The following SF3B2 variants were observed in gnomAD, a reference collection of about 807,000 sequenced individuals.
SF3B2 encodes the protein splicing factor 3b subunit 2, also known as SAP 145.
Under a neutral mutation model 116.3 loss-of-function variants are expected in SF3B2, and 22 were observed. The ratio of observed to expected loss-of-function variants is 0.19; its 90% CI spans 0.14 to 0.27. SF3B2 has a LOEUF of 0.27. Ranked by LOEUF, SF3B2 falls within the 10% of genes least tolerant of loss-of-function variation. SF3B2 has a pLI of 1.00. For synonymous variants in SF3B2, 406 were observed against 421.6 expected, an observed-to-expected ratio of 0.96 and a Z score of 0.45; for missense variants, 767 against 1,151.4, an observed-to-expected ratio of 0.67 and a Z score of 4.83.
chr11:66,058,133 A>C lies in SF3B2; in HGVS notation c.857A>C (p.Glu286Ala), dbSNP rs377557880. ...CAGCTGAAGGAGAGCCGCCAGGAAG[A>C]GATGAATTCTCAGCAGGGTGAGTGC... ...ILQLKESRQE[E>A]MNSQQEEEEM... Residue 286 changes from glutamate to alanine, a missense_variant, in exon 8 of 22, where the codon GAG becomes GCG. Physicochemically the swap from Glu to Ala is moderately radical, Grantham distance 107 (BLOSUM62 -1). This residue lies in a region of SF3B2 where 455 missense variants were observed against 537.5 expected (regional missense o/e 0.85). Transcript: ENST00000322535. 2 of 1,609,200 alleles carry C rather than the reference A, an allele frequency of 1.2e-6. No homozygotes were observed. Among genetic ancestry groups the C allele is most frequent in the African/African-American group, 2.7e-5 (2 of 74,630 alleles).
Position 66,063,073 on chromosome 11 carries a change from C to T in SF3B2, c.2042C>T (p.Pro681Leu), listed in dbSNP as rs1046927602. The change falls in exon 17 of 22, where the codon CCG becomes CTG. Residue 681 changes from proline (P) to leucine (L), a missense_variant. By Grantham distance (98) the Pro-to-Leu change is moderately conservative (BLOSUM62 -3). This residue lies in a region of SF3B2 where 282 missense variants were observed against 568.0 expected (regional missense o/e 0.50). Coordinates refer to ENST00000322535, the MANE Select transcript of SF3B2 (RefSeq NM_006842.3). ...CCTCCAGTGGATGAGACTGGGAAAC[C>T]GCTCTATGGGGACGTGTTTGGAACC... ...GKPPVDETGK[P>L]LYGDVFGTNA... 1.2e-6 allele frequency: 2 copies of T among 1,613,984 alleles called. No individual in the cohort carries two copies. The highest frequency in any genetic ancestry group is 8.5e-7 in the Non-Finnish European group (1 of 1,179,940).
Position 66,059,230 on chromosome 11 carries a change from G to C in SF3B2, c.1212G>C (p.Glu404Asp). 6.2e-7 allele frequency: 1 copy of C among 1,614,068 alleles called. No homozygotes were observed. Among genetic ancestry groups the C allele is most frequent in the Non-Finnish European group, 8.5e-7 (1 of 1,180,002 alleles). Reference sequence around the variant, plus strand: ...CTGATGATGTGAAGAAGGAGAAAGAGAAGGAGCCAGAGAAACTTGACAAAC... The same window carrying C: ...CTGATGATGTGAAGAAGGAGAAAGACAAGGAGCCAGAGAAACTTGACAAAC... Reference protein sequence around the residue: ...KLTDDVKKEKEKEPEKLDKLE... With the variant: ...KLTDDVKKEKDKEPEKLDKLE... Residue 404 changes from glutamate (E) to aspartate (D), a missense_variant, in exon 11 of 22, where the codon GAG becomes GAC. Around this residue, in one of 4 missense-constraint regions of SF3B2, gnomAD observed 455 missense variants for 537.5 expected, o/e 0.85. Transcript: ENST00000322535. This position sits in a 1 kb window ranked among gnomAD's most constrained non-coding sequence, Gnocchi z 5.0.
At chr11:66,057,789 A>C (rs1202356580) in intron 7 of SF3B2, among the ~76,000 whole-genome samples, 2 of 151,892 alleles carry the variant, frequency 1.3e-5, no homozygotes, top group Admixed American at 1.3e-4. Context: ...CAGCCTCAAC[A>C]TGGAGAAACC....
chr11:66,055,368 G>A (rs1856975698), intron 4 of SF3B2, 53 bp downstream of exon 4: 1 of 1,593,484 alleles, frequency 6.3e-7, no homozygotes, highest in South Asian at 1.1e-5. Context: ...TGAAGGGGCA[G>A]TGGAGCCTTA....
At chr11:66,058,750 A>C in intron 9 of SF3B2, 80 bp from the exon 10 acceptor site, 1 of 1,191,134 alleles carries the variant, frequency 8.4e-7, no homozygotes, top group Non-Finnish European at 1.2e-6. Context: ...GTGGGGGAGA[A>C]TGGGGGAGGA....
rs374231035 is a variant in SF3B2, at chr11:66,059,769, A to T, written c.1402-13A>T. ...GGGGCTCTCGAGAACACGCATTACT[A>T]TGTGTTTTCCAGCTGGTGGCTCGGC... On this transcript the variant is annotated splice_polypyrimidine_tract_variant and intron_variant, in intron 12 of 21. Transcript: ENST00000322535. The surrounding 1 kb of genome is among the most constrained non-coding windows in gnomAD (Gnocchi z 5.0). 1.2e-6 allele frequency: 2 copies of T among 1,613,510 alleles called. No homozygotes were observed. Among genetic ancestry groups the T allele is most frequent in the Admixed American group, 1.7e-5 (1 of 60,000 alleles).
At position 66,052,364 on chromosome 11, in the gene SF3B2, G is replaced by A. The variant is rs1452077721; in HGVS notation, c.-21G>A. On this transcript the variant is annotated 5_prime_UTR_variant, in exon 1 of 22. Transcript: ENST00000322535. ...GCTGGCCCCAGCTTCCGGGTTGGTC[G>A]CGCGCCTTCCTGCGGCTAAGATGGC... 2 of 1,604,316 alleles carry A rather than the reference G, an allele frequency of 1.2e-6. No homozygotes were observed. The highest frequency in any genetic ancestry group is 2.3e-5 in the East Asian group (1 of 44,374).
At chr11:66,067,116 G>T (rs879002287) in intron 19 of SF3B2, 10 of 215,458 alleles carry the variant, frequency 4.6e-5, no homozygotes, top group African/African-American at 4.6e-5. Flanking sequence ...ATTTTTTTTG[G>T]TTGTTTCAGG....
intron 5 of SF3B2, 95 bp downstream of exon 5, chr11:66,055,680 GCTA>G: frequency 8.6e-7 from 1 of 1,157,178 alleles, no homozygotes; most frequent in African/African-American, 1.5e-5. Flanking sequence ...TTCCCTGGAG[GCTA>G]CTTTGTTCTC....
chr11:66,053,849 G>A (rs1361572974), intron 3 of SF3B2: 9 of 150,404 alleles, frequency 6.0e-5, no homozygotes, highest in East Asian at 1.9e-4. Context: ...ACATGTACCC[G>A]AAAACTTACA....
intron 9 of SF3B2, 87 bp from the exon 10 acceptor site, chr11:66,058,743 G>T: frequency 8.8e-7 from 1 of 1,134,418 alleles, no homozygotes; most frequent in Non-Finnish European, 1.3e-6. Context: ...TTGAACTGTG[G>T]GGGAGAATGG....
At position 66,059,361 on chromosome 11, in the gene SF3B2, G is replaced by C. The variant is rs1857062062; in HGVS notation, c.1320+23G>C. On this transcript the variant is annotated intron_variant, in intron 11 of 21. Coordinates refer to ENST00000322535, the MANE Select transcript of SF3B2 (RefSeq NM_006842.3). This position sits in a 1 kb window ranked among gnomAD's most constrained non-coding sequence, Gnocchi z 5.0. ...CAGGTCAGGCCCAGCCCTCCTGGTG[G>C]GAAGCAGGGACTCTGGGCACAGGTG... 6.2e-7 allele frequency: 1 copy of C among 1,613,528 alleles called. No homozygotes were observed. Among genetic ancestry groups the C allele is most frequent in the Admixed American group, 1.7e-5 (1 of 59,928 alleles).
rs749807861 is a variant in SF3B2, at chr11:66,063,556, A to G, written c.2228+14A>G. On this transcript the variant is annotated intron_variant, in intron 18 of 21. Transcript: ENST00000322535. ...CCCTGCAGACAGGTGGGGGAAGCAG[A>G]GAATGCCTCTTGGAAGTGGGCTATC... The G allele has an allele frequency of 5.6e-6, 9 of 1,612,298 alleles. No individual in the cohort carries two copies. In the South Asian group the frequency reaches 9.9e-5, roughly 18 times the overall value.
In SF3B2 at chr11:66,061,730, T is replaced by C; in HGVS notation, c.1824T>C (p.Asp608=). Reference sequence around the variant, plus strand: ...GACTGAAGGAGAAGAAGCCAGGAGATCTGTCTGATGAGCTAAGGATTTCCT... The same window carrying C: ...GACTGAAGGAGAAGAAGCCAGGAGACCTGTCTGATGAGCTAAGGATTTCCT... ...ETRLKEKKPG[D]LSDELRISLG... Residue 608 remains aspartate, a synonymous_variant, in exon 15 of 22, where the codon GAT becomes GAC. Transcript: ENST00000322535. 1.2e-6 allele frequency: 2 copies of C among 1,614,180 alleles called. No individual in the cohort carries two copies. The highest frequency in any genetic ancestry group is 1.7e-6 in the Non-Finnish European group (2 of 1,180,024).
rs200330809 is a variant in SF3B2 at position 66,057,294 on chromosome 11, C to T, written c.696C>T (p.Pro232=). Residue 232 remains proline (P), a synonymous_variant, in exon 7 of 22, where the codon CCC becomes CCT. Transcript: ENST00000322535. Reference sequence around the variant, plus strand: ...CTGCTCCAGTGGGCCCAGTGGGCCCCACTCCTACAGTTTTGCCCATGGGAG... The same window carrying T: ...CTGCTCCAGTGGGCCCAGTGGGCCCTACTCCTACAGTTTTGCCCATGGGAG... ...RVAAPVGPVG[P]TPTVLPMGAP... is the part of the protein sequence containing the mutation. 6.1e-5 allele frequency: 98 copies of T among 1,609,916 alleles called. No homozygotes were observed. Among genetic ancestry groups the T allele is most frequent in the Non-Finnish European group, 7.9e-5 (93 of 1,176,190 alleles).
chr11:66,053,143 G>A (rs752725113), intron 3 of SF3B2, 39 bp downstream of exon 3: 2 of 1,575,524 alleles, frequency 1.3e-6, no homozygotes, highest in African/African-American at 2.7e-5. Flanking sequence ...TCCATCTGCT[G>A]ATCCTTTTGT....
In SF3B2 at chr11:66,055,517, C is replaced by A. The variant is rs1565087081; in HGVS notation, c.499-18C>A. On this transcript the variant is annotated intron_variant, in intron 4 of 21. Transcript: ENST00000322535. Reference sequence around the variant, plus strand: ...TGTTGGGTATTGGTGCTGGTATGAACTTGTTTTCTTTTTTAAGCAGGGAGA... The same window carrying A: ...TGTTGGGTATTGGTGCTGGTATGAAATTGTTTTCTTTTTTAAGCAGGGAGA... 1 of 1,614,064 alleles carries A rather than the reference C, an allele frequency of 6.2e-7. No individual in the cohort carries two copies. The highest frequency in any genetic ancestry group is 1.1e-5 in the South Asian group (1 of 91,076).
chr11:66,063,252 T>C, intron 17 of SF3B2, 136 bp downstream of exon 17: 1 of 1,003,560 alleles, frequency 1.0e-6, no homozygotes, highest in Non-Finnish European at 1.5e-6. Flanking sequence ...TTTCCTGAGA[T>C]GTTAATGTAA....
At position 66,068,807 on chromosome 11, in the gene SF3B2, C is replaced by G; in HGVS notation, c.*62C>G. On this transcript the variant is annotated 3_prime_UTR_variant, in exon 22 of 22. Transcript: ENST00000322535. ...TGGATGCCTGGGCTTCACACAAGAA[C>G]CACCTCTCCCGCAGTTCCCAAGGAC... 1.6e-6 allele frequency: 2 copies of G among 1,282,734 alleles called. No individual in the cohort carries two copies. Among genetic ancestry groups the G allele is most frequent in the Non-Finnish European group, 2.3e-6 (2 of 885,136 alleles). 79.5% of individuals were successfully genotyped at this position (1,282,734 alleles called of 1,614,324 possible).
Sources: gnomAD v4.1 joint callset for allele counts (sites outside exome capture counted in the v4.1 genomes callset) on GRCh38, gnomAD v4.1.1 for gene constraint, gnomAD v4.1.1 regional missense constraint, Gnocchi (gnomAD v3.1) non-coding constraint, MANE v1.5 for transcripts, NCBI Gene and HGNC (gene_info 2026-07-23, HGNC 2026-07-21) for gene names.